ROBO1: variants seen among roughly 807,000 people sequenced by gnomAD.
The protein encoded by ROBO1 is roundabout guidance receptor 1.
ROBO1 carries 149 observed loss-of-function variants against 195.9 expected under a neutral mutation model. That is an observed-to-expected ratio of 0.76 (90% CI 0.67 to 0.87). The LOEUF (loss-of-function observed/expected upper bound fraction) is 0.87, where lower values mean the gene tolerates loss of function less well. ROBO1 is among the 40% of genes least tolerant of loss of function. The pLI, the probability that ROBO1 is intolerant of heterozygous loss-of-function variation, is 0.00. For synonymous variants in ROBO1, 816 were observed against 733.2 expected, an observed-to-expected ratio of 1.11 and a Z score of -1.82; for missense variants, 1,933 against 2,068.3, an observed-to-expected ratio of 0.93 and a Z score of 1.27.
In ROBO1 at chr3:79,107,127, T is replaced by TCTCTCTCA. The variant is rs1370578718; in HGVS notation, c.172+18328_172+18329insTGAGAGAG. ...CTCTTTCTCTCTCTCTCTCTCTCTC[T>TCTCTCTCA]CACACACACACACACACACACACAC... On this transcript the variant is annotated intron_variant, in intron 3 of 30. Coordinates refer to ENST00000464233, the MANE Select transcript of ROBO1 (RefSeq NM_002941.4). Among the ~76,000 whole-genome samples the TCTCTCTCA allele has an allele frequency of 6.5e-3, 887 of 136,430 alleles. 16 individuals carry two copies. Among genetic ancestry groups the TCTCTCTCA allele is most frequent in the African/African-American group, 0.022 (828 of 37,782 alleles). 89.5% of individuals were successfully genotyped at this position (136,430 alleles called of 152,430 possible).
intron 5 of ROBO1, among the ~76,000 whole-genome samples, chr3:78,745,005 T>C (rs116195682): frequency 0.011 from 1,622 of 152,250 alleles, 11 homozygotes; most frequent in Non-Finnish European, 0.016. Context: ...TCAAGTTGCA[T>C]CTCCAGGGCT....
rs386397147 is a variant in ROBO1 at position 79,364,251 on chromosome 3, T to TATAC, written c.88+225572_88+225573insGTAT. 7.9e-3 allele frequency among the ~76,000 whole-genome samples: 1,178 copies of TATAC among 148,584 alleles called. 17 individuals are homozygous for TATAC. The highest frequency in any genetic ancestry group is 0.026 in the African/African-American group (1,029 of 40,296). On this transcript the variant is annotated intron_variant, in intron 2 of 30. Coordinates refer to ENST00000464233, the MANE Select transcript of ROBO1 (RefSeq NM_002941.4). Reference sequence around the variant, plus strand: ...ATGTGTGTGTGTATATATATATATATACATATATATACACACACACATATA... The same window carrying TATAC: ...ATGTGTGTGTGTATATATATATATATATACACATATATATACACACACACATATA...
At chr3:78,644,868 T>C (rs1423313028) in intron 21 of ROBO1, among the ~76,000 whole-genome samples, 3 of 152,190 alleles carry the variant, frequency 2.0e-5, no homozygotes, top group Non-Finnish European at 2.9e-5. Flanking sequence ...AGAAGCACTT[T>C]CACATGCTTT....
chr3:79,156,088 C>T (rs1224807158), intron 2 of ROBO1, among the ~76,000 whole-genome samples: 2 of 151,684 alleles, frequency 1.3e-5, no homozygotes, highest in African/African-American at 4.8e-5. Flanking sequence ...TTAGTCCTAG[C>T]CATGCTATTC....
intron 8 of ROBO1, among the ~76,000 whole-genome samples, chr3:78,713,851 T>C (rs1473145098): frequency 5.3e-5 from 8 of 152,254 alleles, no homozygotes; most frequent in Admixed American, 6.5e-5. Flanking sequence ...AATCAACTGA[T>C]ATTTATTGAG....
intron 3 of ROBO1, among the ~76,000 whole-genome samples, chr3:79,049,257 G>A (rs1333360363): frequency 1.3e-5 from 2 of 152,112 alleles, no homozygotes; most frequent in Non-Finnish European, 2.9e-5. Context: ...GCATTCACAA[G>A]CTTGAATAGC....
chr3:78,863,969 C>T (rs113489471), intron 4 of ROBO1, among the ~76,000 whole-genome samples: 19 of 152,326 alleles, frequency 1.2e-4, no homozygotes, highest in African/African-American at 4.6e-4. Flanking sequence ...TTACAGCAAC[C>T]TGTTGCCTGT....
At chr3:79,036,262 T>C (rs954190468) in intron 3 of ROBO1, among the ~76,000 whole-genome samples, 1 of 152,178 alleles carries the variant, frequency 6.6e-6, no homozygotes, top group Admixed American at 6.5e-5. Flanking sequence ...AAATAAATGA[T>C]CATTTATATA....
chr3:79,034,917 A>G (rs565272270), intron 3 of ROBO1, among the ~76,000 whole-genome samples: 1 of 152,122 alleles, frequency 6.6e-6, no homozygotes, highest in Non-Finnish European at 1.5e-5. Flanking sequence ...TGTAATATAT[A>G]TCAACTTTGT....
At chr3:78,782,200 T>A (rs2083697072) in intron 4 of ROBO1, among the ~76,000 whole-genome samples, 1 of 152,054 alleles carries the variant, frequency 6.6e-6, no homozygotes, top group South Asian at 2.1e-4. Context: ...AATTCTTTTT[T>A]TTTTCTTCTT....
At chr3:79,236,046 TTTTAGA>T (rs1490940277) in intron 2 of ROBO1, among the ~76,000 whole-genome samples, 1 of 152,128 alleles carries the variant, frequency 6.6e-6, no homozygotes, top group Admixed American at 6.5e-5. Flanking sequence ...GACTTCTGTT[TTTTAGA>T]CTCTTTGGTC....
chr3:79,643,764 A>G (rs1189611266), intron 1 of ROBO1, among the ~76,000 whole-genome samples: 64 of 152,168 alleles, frequency 4.2e-4, no homozygotes, highest in Non-Finnish European at 2.9e-5. Context: ...ATTAAAAAAT[A>G]CTACCAGAGA....
intron 30 of ROBO1, among the ~76,000 whole-genome samples, chr3:78,599,212 C>T (rs1449256368): frequency 6.6e-6 from 1 of 152,000 alleles, no homozygotes; most frequent in Admixed American, 6.6e-5. Context: ...ATCTAATCCC[C>T]TCAGCCCCAA....
chr3:78,685,678 C>T, intron 10 of ROBO1, 68 bp downstream of exon 10: 1 of 1,116,344 alleles, frequency 9.0e-7, no homozygotes, highest in Middle Eastern at 2.9e-4. Flanking sequence ...ATAAATATAT[C>T]TACTGGCACC....
chr3:79,579,451 A>G (rs1943591691), intron 2 of ROBO1, among the ~76,000 whole-genome samples: 1 of 152,208 alleles, frequency 6.6e-6, no homozygotes. Context: ...AGAAATTTCA[A>G]AAGAGTTGCT....
At chr3:79,313,332 C>A (rs974757809) in intron 2 of ROBO1, among the ~76,000 whole-genome samples, 1 of 152,096 alleles carries the variant, frequency 6.6e-6, no homozygotes, top group African/African-American at 2.4e-5. Flanking sequence ...GGTAATTTGA[C>A]AAGGAACAAG....
chr3:79,503,138 A>G (rs1575929268), intron 2 of ROBO1, among the ~76,000 whole-genome samples: 1 of 152,304 alleles, frequency 6.6e-6, no homozygotes, highest in South Asian at 2.1e-4. Context: ...TGCCATTATG[A>G]GCTGTAACAC....
chr3:79,688,916 C>A (rs1003223727), intron 1 of ROBO1, among the ~76,000 whole-genome samples: 2 of 151,990 alleles, frequency 1.3e-5, no homozygotes, highest in African/African-American at 2.4e-5. Flanking sequence ...AAATTATCTA[C>A]AATTTATCAA....
chr3:79,317,484 A>C (rs1230882759), intron 2 of ROBO1, among the ~76,000 whole-genome samples: 4 of 152,158 alleles, frequency 2.6e-5, no homozygotes, highest in Non-Finnish European at 5.9e-5. Context: ...AGATCATAGT[A>C]ATCTATTACC....
Sources: allele counts gnomAD v4.1 joint callset (sites outside exome capture counted in the v4.1 genomes callset), GRCh38; gene constraint gnomAD v4.1.1; transcripts MANE v1.5; gene names NCBI Gene and HGNC (gene_info 2026-07-23, HGNC 2026-07-21).